The following ADAMTS2 variants were observed in gnomAD, a reference collection of about 807,000 sequenced individuals.
The protein encoded by ADAMTS2 is ADAM metallopeptidase with thrombospondin type 1 motif 2.
ADAMTS2 carries 50 observed loss-of-function variants against 123.0 expected under a neutral mutation model. That is an observed-to-expected ratio of 0.41 (90% CI 0.32 to 0.51). ADAMTS2 has a LOEUF of 0.51. ADAMTS2 is among the 20% of genes least tolerant of loss of function. The pLI is 0.35. For missense variants in ADAMTS2, 1,494 were observed against 1,705.2 expected, an observed-to-expected ratio of 0.88 and a Z score of 2.18; for synonymous variants, 678 against 695.4, an observed-to-expected ratio of 0.98 and a Z score of 0.39.
Position 179,113,663 on chromosome 5 carries a change from C to T in ADAMTS2, c.*204G>A, listed in dbSNP as rs926308506. On this transcript the variant is annotated 3_prime_UTR_variant, in exon 22 of 22. Coordinates refer to ENST00000251582, the MANE Select transcript of ADAMTS2 (RefSeq NM_014244.5). The stretch of plus-strand genomic sequence containing the variant: ...ACCTGACGCCACCACAGTATTTGGT[C>T]GCTCCTGGGCTGGGAAGCACACGTG... 2.6e-5 allele frequency: 16 copies of T among 612,824 alleles called. No homozygotes were observed. Among genetic ancestry groups the T allele is most frequent in the South Asian group, 9.9e-5 (5 of 50,312 alleles). 38.0% of individuals were successfully genotyped at this position (612,824 alleles called of 1,614,324 possible).
chr5:179,321,325 C>T (rs1757166486), intron 2 of ADAMTS2, among the ~76,000 whole-genome samples: 1 of 152,088 alleles, frequency 6.6e-6, no homozygotes, highest in Non-Finnish European at 1.5e-5. Context: ...TGATGTCTGC[C>T]CCACCGCAGC....
In ADAMTS2 at chr5:179,207,723, G is replaced by T. The variant is rs992351765; in HGVS notation, c.689-8C>A. 24 of 1,609,182 alleles carry T rather than the reference G, an allele frequency of 1.5e-5. No individual in the cohort carries two copies. The highest frequency in any genetic ancestry group is 1.9e-5 in the Non-Finnish European group (23 of 1,179,910). ...GGCTGTCCAGGGAGGCCCCTGCAAG[G>T]AGAGGACACCGTCTTCAGCGGCAGG... On this transcript the variant is annotated splice_polypyrimidine_tract_variant and splice_region_variant and intron_variant, in intron 3 of 21. Coordinates refer to ENST00000251582, the MANE Select transcript of ADAMTS2 (RefSeq NM_014244.5).
intron 4 of ADAMTS2, among the ~76,000 whole-genome samples, chr5:179,200,151 G>T (rs1764527813): frequency 6.6e-6 from 1 of 151,592 alleles, no homozygotes; most frequent in South Asian, 2.1e-4. Context: ...GACGAGTTTT[G>T]CAGCAGCCAG....
At chr5:179,137,732 T>C in intron 12 of ADAMTS2, 37 bp downstream of exon 12, 2 of 836,320 alleles carry the variant, frequency 2.4e-6, no homozygotes, top group Non-Finnish European at 1.8e-6. Context: ...AGGGCCTGCC[T>C]GCTGAGCCCC....
intron 2 of ADAMTS2, among the ~76,000 whole-genome samples, chr5:179,339,505 T>C (rs981548257): frequency 5.3e-5 from 8 of 152,160 alleles, no homozygotes; most frequent in Non-Finnish European, 8.8e-5. Flanking sequence ...TTTCATCCAA[T>C]ATGAGCAGGG....
Position 179,242,277 on chromosome 5 carries a change from CT to C in ADAMTS2, c.688+30633del, listed in dbSNP as rs1765687383. Among the ~76,000 whole-genome samples the C allele has an allele frequency of 6.6e-6, 1 of 152,326 alleles. No individual in the cohort carries two copies. Among genetic ancestry groups the C allele is most frequent in the South Asian group, 2.1e-4 (1 of 4,824 alleles). On this transcript the variant is annotated intron_variant, in intron 3 of 21. Transcript: ENST00000251582. The surrounding 1 kb of genome is among the most constrained non-coding windows in gnomAD (Gnocchi z 4.2). ...TGGGCCAGCGGTGCCTGCTGTCTTGCTCGCGTGTGCCAGCAAATCTCCTTTT... is the reference window on the plus strand; with the variant it reads ...TGGGCCAGCGGTGCCTGCTGTCTTGCCGCGTGTGCCAGCAAATCTCCTTTT...
intron 3 of ADAMTS2, among the ~76,000 whole-genome samples, chr5:179,268,855 C>T (rs1039663650): frequency 1.3e-5 from 2 of 152,196 alleles, no homozygotes. Context: ...CTGTGCACTG[C>T]GTGGCCAGCC....
At chr5:179,251,077 T>C (rs1229394694) in intron 3 of ADAMTS2, among the ~76,000 whole-genome samples, 2 of 152,210 alleles carry the variant, frequency 1.3e-5, no homozygotes, top group African/African-American at 2.4e-5. Flanking sequence ...CTGAAGCTAG[T>C]GTAGCAGAAA....
intron 1 of ADAMTS2, among the ~76,000 whole-genome samples, chr5:179,344,447 G>C (rs1386909356): frequency 2.0e-5 from 3 of 152,198 alleles, no homozygotes; most frequent in African/African-American, 7.2e-5. Context: ...GTTGGGGCTC[G>C]GTGGGAACCT....
At chr5:179,290,327 A>G (rs1330330126) in intron 2 of ADAMTS2, among the ~76,000 whole-genome samples, 5 of 152,086 alleles carry the variant, frequency 3.3e-5, no homozygotes, top group Non-Finnish European at 2.9e-5. Flanking sequence ...GACCCTCTCC[A>G]CCACGTTATG....
rs984112021 is a variant in ADAMTS2 at position 179,314,429 on chromosome 5, G to A, written c.534+29338C>T. 2.0e-5 allele frequency among the ~76,000 whole-genome samples: 3 copies of A among 151,884 alleles called. No individual in the cohort carries two copies. Among genetic ancestry groups the A allele is most frequent in the Admixed American group, 2.0e-4 (3 of 15,244 alleles). ...AGGCTCCTCCCCACCCCGTGGCGTGGCGTGGCGTGGCCGGAATACTCAGTT... is the reference window on the plus strand; with the variant it reads ...AGGCTCCTCCCCACCCCGTGGCGTGACGTGGCGTGGCCGGAATACTCAGTT... On this transcript the variant is annotated intron_variant, in intron 2 of 21. Coordinates refer to ENST00000251582, the MANE Select transcript of ADAMTS2 (RefSeq NM_014244.5). This position sits in a 1 kb window ranked among gnomAD's most constrained non-coding sequence, Gnocchi z 4.5.
intron 5 of ADAMTS2, among the ~76,000 whole-genome samples, chr5:179,160,107 T>C (rs551573289): frequency 4.6e-5 from 7 of 152,218 alleles, no homozygotes; most frequent in African/African-American, 1.7e-4. Flanking sequence ...AGGTGTTTTT[T>C]CTCTTGCATA....
chr5:179,193,480 T>C (rs1307696406), intron 4 of ADAMTS2, among the ~76,000 whole-genome samples: 1 of 152,126 alleles, frequency 6.6e-6, no homozygotes, highest in Admixed American at 6.6e-5. Context: ...TTGGCAAACC[T>C]GCTGCAACTA....
At chr5:179,140,306 G>A (rs1763140757) in intron 10 of ADAMTS2, among the ~76,000 whole-genome samples, 2 of 152,340 alleles carry the variant, frequency 1.3e-5, no homozygotes, top group South Asian at 4.1e-4. Flanking sequence ...TGTCCCCTCA[G>A]CTGGAAGCTG....
rs1383211302 is a variant in ADAMTS2 at position 179,118,180 on chromosome 5, C to T, written c.3178+3481G>A. On this transcript the variant is annotated intron_variant, in intron 21 of 21. Transcript: ENST00000251582. The surrounding 1 kb of genome is among the most constrained non-coding windows in gnomAD (Gnocchi z 4.5). Reference sequence around the variant, plus strand: ...AGTAAATACAAAATTGAAATAAAATCCTGGCCAAGAGATTGACTATGCAAA... The same window carrying T: ...AGTAAATACAAAATTGAAATAAAATTCTGGCCAAGAGATTGACTATGCAAA... Among the ~76,000 whole-genome samples the T allele has an allele frequency of 6.6e-6, 1 of 152,092 alleles. No homozygotes were observed. Among genetic ancestry groups the T allele is most frequent in the Non-Finnish European group, 1.5e-5 (1 of 68,020 alleles).
Position 179,308,436 on chromosome 5 carries a change from C to G in ADAMTS2, c.534+35331G>C, listed in dbSNP as rs1188997542. ...GGGAGCCGCGCAGCCCCTGGGCAGG[C>G]TGAGGACAGGAACGGGCAGCCGCCA... On this transcript the variant is annotated intron_variant, in intron 2 of 21. Transcript: ENST00000251582. This position sits in a 1 kb window ranked among gnomAD's most constrained non-coding sequence, Gnocchi z 6.6. Among the ~76,000 whole-genome samples the G allele has an allele frequency of 6.6e-6, 1 of 152,178 alleles. No homozygotes were observed. The highest frequency in any genetic ancestry group is 1.9e-4 in the East Asian group (1 of 5,186).
chr5:179,301,489 G>A lies in ADAMTS2; in HGVS notation c.535-28425C>T, dbSNP rs77966684. Among the ~76,000 whole-genome samples the A allele has an allele frequency of 3.1e-3, 466 of 152,342 alleles. 2 individuals are homozygous for A. Among genetic ancestry groups the A allele is most frequent in the Non-Finnish European group, 5.1e-3 (350 of 68,034 alleles). ...GACATGACTCTTTCAGGATTAGACA[G>A]CTAATGAGTGGTGGATCCGGATCTG... On this transcript the variant is annotated intron_variant, in intron 2 of 21. Coordinates refer to ENST00000251582, the MANE Select transcript of ADAMTS2 (RefSeq NM_014244.5).
intron 3 of ADAMTS2, among the ~76,000 whole-genome samples, chr5:179,261,635 G>C (rs1766227203): frequency 6.6e-6 from 1 of 152,234 alleles, no homozygotes; most frequent in East Asian, 1.9e-4. Context: ...CATTCCAGCT[G>C]TCTCGGGCAG....
In ADAMTS2 at chr5:179,223,582, G is replaced by A. The variant is rs111163592; in HGVS notation, c.689-15867C>T. Among the ~76,000 whole-genome samples the A allele has an allele frequency of 5.6e-4, 80 of 143,614 alleles. No individual in the cohort carries two copies. In the East Asian group the frequency reaches 6.8e-3, roughly 12 times the overall value. The allele number at this position is 143,614 out of a possible 152,430, so 94.2% of individuals were successfully genotyped here. On this transcript the variant is annotated intron_variant, in intron 3 of 21. Coordinates refer to ENST00000251582, the MANE Select transcript of ADAMTS2 (RefSeq NM_014244.5). ...CACACACGCGAATGCACTCGCACAC[G>A]CATGCACTCACGCGTGAATGCACTC... is the stretch of plus-strand genomic sequence containing the variant.
Sources: allele counts gnomAD v4.1 joint callset (sites outside exome capture counted in the v4.1 genomes callset), GRCh38; gene constraint gnomAD v4.1.1; non-coding constraint Gnocchi (gnomAD v3.1); transcripts MANE v1.5; gene names NCBI Gene and HGNC (gene_info 2026-07-23, HGNC 2026-07-21).